The following SLC38A2 variants were observed in gnomAD, a reference collection of about 807,000 sequenced individuals.
SLC38A2 encodes sodium-coupled neutral amino acid symporter 2.
Under a neutral mutation model 61.5 loss-of-function variants are expected in SLC38A2, and 11 were observed. The ratio of observed to expected loss-of-function variants is 0.18; its 90% confidence interval spans 0.11 to 0.30. SLC38A2 has a LOEUF of 0.30. Ranked by LOEUF, SLC38A2 falls within the 10% of genes least tolerant of loss-of-function variation. The pLI is 1.00. For synonymous variants in SLC38A2, 217 were observed against 212.5 expected (o/e 1.02, Z -0.18); for missense variants, 522 against 600.4 (o/e 0.87, Z 1.36).
chr12:46,366,918 T>C lies in SLC38A2; in HGVS notation c.509A>G (p.Lys170Arg). 1 of 1,613,946 alleles carries C rather than the reference T, an allele frequency of 6.2e-7. No individual in the cohort carries two copies. The highest frequency in any genetic ancestry group is 8.5e-7 in the Non-Finnish European group (1 of 1,179,952). ...CTGGATCACCAAAGGCAACTCATAT[T>C]TCACTATGAAGAGGTAGCTTGACAT... Reference protein sequence around the residue: ...GAMSSYLFIVKYELPLVIQAL... With the variant: ...GAMSSYLFIVRYELPLVIQAL... Residue 170 changes from lysine (K) to arginine (R), a missense_variant, in exon 7 of 16, where the codon AAA becomes AGA. Lys to Arg is a conservative substitution (Grantham distance 26). Transcript: ENST00000256689.
chr12:46,361,157 A>G lies in SLC38A2; in HGVS notation c.1475T>C (p.Leu492Ser). 1.2e-6 allele frequency: 2 copies of G among 1,613,696 alleles called. No homozygotes were observed. Among genetic ancestry groups the G allele is most frequent in the Non-Finnish European group, 1.7e-6 (2 of 1,179,716 alleles). The change falls in exon 16 of 16, where the codon TTG becomes TCG. Residue 492 changes from leucine (L) to serine (S), a missense_variant. Transcript: ENST00000256689. ...GVLVMTGSMA[L>S]IVLDWVHNAP... is the part of the protein sequence containing the mutation. The stretch of plus-strand genomic sequence containing the variant: ...ATTGTGTACCCAATCCAAAACAATC[A>G]AGGCCATGCTTCCGGTCATCACCAG...
chr12:46,363,678 GTT>G (rs537650286), intron 12 of SLC38A2, 46 bp downstream of exon 12: 1 of 1,209,934 alleles, frequency 8.3e-7, no homozygotes, highest in Non-Finnish European at 1.2e-6. Flanking sequence ...TTCAATAAGC[GTT>G]TTTTTTTGTT....
intron 13 of SLC38A2, 48 bp from the exon 14 acceptor site, chr12:46,362,686 A>G (rs755729126): frequency 1.3e-6 from 2 of 1,527,778 alleles, no homozygotes; most frequent in South Asian, 2.6e-5. Flanking sequence ...CAGCAATATA[A>G]AATTTAAAAA....
At chr12:46,367,535 T>C in intron 4 of SLC38A2, 195 bp from the exon 5 acceptor site, 1 of 599,896 alleles carries the variant, frequency 1.7e-6, no homozygotes. Context: ...AAAACTTGCA[T>C]CATTTCTCAG....
intron 5 of SLC38A2, 28 bp downstream of exon 5, chr12:46,367,239 T>G (rs1442450556): frequency 6.3e-7 from 1 of 1,585,646 alleles, no homozygotes. Context: ...TATACATTGT[T>G]TTAGAAAAAT....
rs780739892 is a variant in SLC38A2 at position 46,364,500 on chromosome 12, G to A, written c.762C>T (p.Asn254=). Residue 254 remains asparagine, a synonymous_variant, in exon 10 of 16, where the codon AAC becomes AAT. Coordinates refer to ENST00000256689, the MANE Select transcript of SLC38A2 (RefSeq NM_018976.5). ...PCPVEAALII[N]ETINTTLTQP... is the part of the protein sequence containing the mutation. Reference sequence around the variant, plus strand: ...GTGTTAAGGTGGTGTTTATTGTTTCGTTAATTATCAAAGCAGCTTCCACAG... The same window carrying A: ...GTGTTAAGGTGGTGTTTATTGTTTCATTAATTATCAAAGCAGCTTCCACAG... 8.1e-6 allele frequency: 13 copies of A among 1,612,290 alleles called. 1 individual carries two copies. In the South Asian group the frequency reaches 9.9e-5, roughly 12 times the overall value.
Position 46,358,461 on chromosome 12 carries a change from T to A in SLC38A2, c.*2650A>T, listed in dbSNP as rs992470249. The A allele has an allele frequency of 6.5e-6, 1 of 152,682 alleles. No homozygotes were observed. Among genetic ancestry groups the A allele is most frequent in the Non-Finnish European group, 1.5e-5 (1 of 68,044 alleles). The allele number at this position is 152,682 out of a possible 1,614,324, so 9.5% of individuals were successfully genotyped here. A position where few individuals can be genotyped will look rare whatever the true frequency, so the allele number is the denominator to read the frequency against. On this transcript the variant is annotated 3_prime_UTR_variant, in exon 16 of 16. Transcript: ENST00000256689. ...CCTTATTTAAATTTTAAATAAGAGA[T>A]CTGAATTTGTACCAAGATTTCATGA...
chr12:46,363,594 C>T (rs1943106717), intron 12 of SLC38A2, 132 bp downstream of exon 12: 3 of 534,674 alleles, frequency 5.6e-6, no homozygotes, highest in African/African-American at 2.0e-5. Flanking sequence ...AATTTCTCAT[C>T]ACAAATATGA....
rs1221175108 is a variant in SLC38A2 at position 46,359,615 on chromosome 12, G to A, written c.*1496C>T. The A allele has an allele frequency of 6.6e-6, 1 of 152,492 alleles. No homozygotes were observed. The highest frequency in any genetic ancestry group is 1.5e-5 in the Non-Finnish European group (1 of 68,020). 9.4% of individuals were successfully genotyped at this position (152,492 alleles called of 1,614,324 possible). ...ATGTATATTAGATTTTAGACATTAT[G>A]CCTGATGAGCGAAGTACCACATTAT... On this transcript the variant is annotated 3_prime_UTR_variant, in exon 16 of 16. Transcript: ENST00000256689.
At chr12:46,367,366 G>A in intron 4 of SLC38A2, 26 bp from the exon 5 acceptor site, 2 of 1,245,708 alleles carry the variant, frequency 1.6e-6, no homozygotes, top group Non-Finnish European at 2.3e-6. Context: ...AAAGGCATAG[G>A]GTTATAAATA....
intron 13 of SLC38A2, 131 bp downstream of exon 13, chr12:46,362,890 C>A: frequency 1.7e-6 from 2 of 1,176,424 alleles, no homozygotes; most frequent in East Asian, 5.0e-5. Context: ...TTTTAAAAAG[C>A]CCCTTCAAAA....
intron 7 of SLC38A2, 107 bp from the exon 8 acceptor site, chr12:46,365,296 CAAA>C (rs940808206): frequency 3.3e-6 from 3 of 903,450 alleles, no homozygotes; most frequent in African/African-American, 3.4e-5. Context: ...AACAAACACA[CAAA>C]AAAGACATGT....
intron 5 of SLC38A2, 33 bp from the exon 6 acceptor site, chr12:46,367,201 G>A (rs768364130): frequency 6.9e-6 from 11 of 1,593,458 alleles, no homozygotes; most frequent in Admixed American, 1.7e-5. Context: ...TGAAGCCAAG[G>A]ATTTTAAAAG....
At chr12:46,367,465 A>G in intron 4 of SLC38A2, 125 bp from the exon 5 acceptor site, 1 of 662,934 alleles carries the variant, frequency 1.5e-6, no homozygotes, top group Admixed American at 2.7e-5. Context: ...AATGCCCTGA[A>G]GAACTGGCAT....
At chr12:46,368,880 T>C (rs759670069) in intron 4 of SLC38A2, among the ~76,000 whole-genome samples, 2 of 152,262 alleles carry the variant, frequency 1.3e-5, no homozygotes, top group African/African-American at 2.4e-5. Flanking sequence ...AACCTTCAGA[T>C]TGATTCTACT....
intron 4 of SLC38A2, among the ~76,000 whole-genome samples, chr12:46,368,593 T>G (rs891311030): frequency 6.6e-6 from 1 of 152,188 alleles, no homozygotes; most frequent in Non-Finnish European, 1.5e-5. Context: ...AAGAGTTACA[T>G]GTTTTTTAAT....
chr12:46,365,815 C>T (rs895454051), intron 7 of SLC38A2, among the ~76,000 whole-genome samples: 1 of 152,010 alleles, frequency 6.6e-6, no homozygotes, highest in African/African-American at 2.4e-5. Context: ...CCAAAAATAT[C>T]CCTTTTGAAC....
At chr12:46,368,042 G>C (rs1319745998) in intron 4 of SLC38A2, among the ~76,000 whole-genome samples, 1 of 152,118 alleles carries the variant, frequency 6.6e-6, no homozygotes, top group African/African-American at 2.4e-5. Flanking sequence ...GGCTGAGGTG[G>C]GGGTATCACT....
At chr12:46,363,593 T>G (rs1336269341) in intron 12 of SLC38A2, 133 bp downstream of exon 12, 9 of 534,536 alleles carry the variant, frequency 1.7e-5, no homozygotes, top group Non-Finnish European at 2.9e-5. Context: ...TAATTTCTCA[T>G]CACAAATATG....
Sources: gnomAD v4.1 joint callset for allele counts (sites outside exome capture counted in the v4.1 genomes callset) on GRCh38, gnomAD v4.1.1 for gene constraint, MANE v1.5 for transcripts, NCBI Gene and HGNC (gene_info 2026-07-23, HGNC 2026-07-21) for gene names.